Variants in LRP1B observed in about 807,000 individuals in gnomAD.
The protein encoded by LRP1B is LDL receptor related protein 1B.
Under a neutral mutation model 556.6 loss-of-function variants are expected in LRP1B, and 217 were observed. The observed-to-expected ratio is 0.39, with a 90% CI of 0.35 to 0.44. The LOEUF (loss-of-function observed/expected upper bound fraction) is 0.44. Ranked by LOEUF, LRP1B falls within the 20% of genes least tolerant of loss-of-function variation. The probability of loss-of-function intolerance (pLI) is 1.00; values close to 1 mark genes in which losing one functional copy is unlikely to be tolerated. For synonymous variants in LRP1B, 2,047 were observed against 1,865.8 expected, an observed-to-expected ratio of 1.10 and a Z score of -2.50; for missense variants, 5,053 against 5,620.8, an observed-to-expected ratio of 0.90 and a Z score of 3.23.
intron 41 of LRP1B, among the ~76,000 whole-genome samples, chr2:140,645,293 A>G (rs1684439437): frequency 6.6e-6 from 1 of 152,098 alleles, no homozygotes; most frequent in Admixed American, 6.5e-5. Flanking sequence ...TATTTATTAT[A>G]TATGAATATG....
chr2:141,668,188 C>A (rs982604934), intron 2 of LRP1B, among the ~76,000 whole-genome samples: 9 of 152,246 alleles, frequency 5.9e-5, no homozygotes, highest in African/African-American at 1.9e-4. Context: ...ATTTCCCTTA[C>A]CTTTGCACAG....
intron 15 of LRP1B, among the ~76,000 whole-genome samples, chr2:140,997,202 A>C (rs1402334198): frequency 2.6e-5 from 4 of 151,994 alleles, no homozygotes; most frequent in African/African-American, 9.7e-5. Context: ...ATTAATTTTT[A>C]CACATACTGT....
intron 5 of LRP1B, among the ~76,000 whole-genome samples, chr2:141,242,382 T>C (rs1218022714): frequency 7.9e-5 from 12 of 151,992 alleles, no homozygotes; most frequent in Admixed American, 2.6e-4. Context: ...GTTTATTTTT[T>C]TCTCTCTCTC....
intron 3 of LRP1B, among the ~76,000 whole-genome samples, chr2:141,264,163 T>C (rs902118137): frequency 5.9e-5 from 9 of 152,304 alleles, no homozygotes; most frequent in African/African-American, 1.4e-4. Context: ...CGGTTTCTGT[T>C]TGTAAGCAAC....
chr2:141,982,245 C>G (rs1489484578), intron 1 of LRP1B, among the ~76,000 whole-genome samples: 4 of 152,144 alleles, frequency 2.6e-5, no homozygotes, highest in Admixed American at 2.6e-4. Context: ...TGACTGATAT[C>G]TAAACCCATG....
chr2:141,467,309 CTT>C lies in LRP1B; in HGVS notation c.343+13085_343+13086del, dbSNP rs1332844163. ...GTTTATAACTTCGGAGGTTTGGAAA[CTT>C]TAAAACTATTTGGAGAAGTGAAAGA... On this transcript the variant is annotated intron_variant, in intron 3 of 90. Coordinates refer to ENST00000389484, the MANE Select transcript of LRP1B (RefSeq NM_018557.3). 3.9e-4 allele frequency among the ~76,000 whole-genome samples: 59 copies of C among 151,800 alleles called. No individual in the cohort carries two copies. In the Middle Eastern group the frequency reaches 0.01, roughly 26 times the overall value.
chr2:141,192,292 G>A (rs1374257932), intron 6 of LRP1B, among the ~76,000 whole-genome samples: 1 of 151,786 alleles, frequency 6.6e-6, no homozygotes, highest in Non-Finnish European at 1.5e-5. Flanking sequence ...CCAAATTACA[G>A]GAAGCTTTTT....
In LRP1B at chr2:140,762,569, C is replaced by T. The variant is rs181980137; in HGVS notation, c.5758+6644G>A. ...ATTTCTAGGCTTTTTCAATTTCTGC[C>T]AAGTTCCTATTCTAAAAATACTAAG... On this transcript the variant is annotated intron_variant, in intron 35 of 90. Coordinates refer to ENST00000389484, the MANE Select transcript of LRP1B (RefSeq NM_018557.3). Among the ~76,000 whole-genome samples, 612 of 151,986 alleles carry T rather than the reference C, an allele frequency of 4.0e-3. 2 individuals are homozygous for T. The highest frequency in any genetic ancestry group is 7.2e-3 in the Non-Finnish European group (487 of 67,962).
intron 75 of LRP1B, 59 bp downstream of exon 75, chr2:140,356,283 C>T (rs2105129365): frequency 6.4e-7 from 1 of 1,554,958 alleles, no homozygotes; most frequent in South Asian, 1.1e-5. Flanking sequence ...ATTTAGAAGT[C>T]TTGGGAATCT....
At chr2:140,754,971 A>G (rs1688696380) in intron 35 of LRP1B, among the ~76,000 whole-genome samples, 1 of 152,062 alleles carries the variant, frequency 6.6e-6, no homozygotes, top group African/African-American at 2.4e-5. Context: ...AAAATTAAGA[A>G]TGAAATATGA....
At position 140,621,451 on chromosome 2, in the gene LRP1B, CACAG is replaced by C. The variant is rs532149235; in HGVS notation, c.6800-19816_6800-19813del. ...CAAACAATCTATAGAGTAAAGGAAGCACAGACAGAGATATAAGGAAACAACATTT... is the reference window on the plus strand; with the variant it reads ...CAAACAATCTATAGAGTAAAGGAAGCACAGAGATATAAGGAAACAACATTT... On this transcript the variant is annotated intron_variant, in intron 41 of 90. Transcript: ENST00000389484. Among the ~76,000 whole-genome samples, 120 of 149,524 alleles carry C rather than the reference CACAG, an allele frequency of 8.0e-4. 1 individual carries two copies. The highest frequency in any genetic ancestry group is 2.8e-3 in the African/African-American group (114 of 40,944).
intron 7 of LRP1B, among the ~76,000 whole-genome samples, chr2:141,163,959 A>G (rs998653816): frequency 2.0e-5 from 3 of 152,146 alleles, no homozygotes; most frequent in East Asian, 3.9e-4. Context: ...ATTTGACATT[A>G]TATTACTATT....
chr2:141,561,906 C>T (rs1686167390), intron 2 of LRP1B, among the ~76,000 whole-genome samples: 1 of 151,366 alleles, frequency 6.6e-6, no homozygotes, highest in Admixed American at 6.6e-5. Context: ...TTATTATTTC[C>T]AGAACAGATT....
At chr2:140,681,030 C>T (rs1168456872) in intron 41 of LRP1B, among the ~76,000 whole-genome samples, 2 of 152,134 alleles carry the variant, frequency 1.3e-5, no homozygotes, top group Non-Finnish European at 2.9e-5. Context: ...GTATAAGTCA[C>T]AGGAAAATGA....
intron 86 of LRP1B, among the ~76,000 whole-genome samples, chr2:140,247,628 G>A (rs1013772447): frequency 2.0e-5 from 3 of 151,476 alleles, no homozygotes; most frequent in Non-Finnish European, 4.4e-5. Flanking sequence ...TTCAAGCTGT[G>A]GAGTTTTTAC....
At chr2:140,748,592 T>C (rs1307159494) in intron 35 of LRP1B, among the ~76,000 whole-genome samples, 18 of 1,070 alleles carry the variant, frequency 0.017, no homozygotes, top group Non-Finnish European at 0.038. Context: ...ATACAGTGTG[T>C]ATATATATAT....
intron 41 of LRP1B, among the ~76,000 whole-genome samples, chr2:140,643,636 G>A (rs1684379758): frequency 6.6e-6 from 1 of 152,062 alleles, no homozygotes; most frequent in African/African-American, 2.4e-5. Flanking sequence ...TGTTTAAAAT[G>A]GAAAACAAAA....
chr2:141,556,593 A>G (rs967418158), intron 2 of LRP1B, among the ~76,000 whole-genome samples: 18 of 151,708 alleles, frequency 1.2e-4, no homozygotes, highest in Non-Finnish European at 2.5e-4. Context: ...TCTACTAGGA[A>G]CTCCTTTATT....
At chr2:141,252,446 T>C (rs1329741654) in intron 4 of LRP1B, among the ~76,000 whole-genome samples, 1 of 152,174 alleles carries the variant, frequency 6.6e-6, no homozygotes, top group Non-Finnish European at 1.5e-5. Context: ...CCAGCAATCA[T>C]GGATGGCTCA....
Sources: gnomAD v4.1 joint callset for allele counts (sites outside exome capture counted in the v4.1 genomes callset) on GRCh38, gnomAD v4.1.1 for gene constraint, MANE v1.5 for transcripts, NCBI Gene and HGNC (gene_info 2026-07-23, HGNC 2026-07-21) for gene names.